The following SEC24B variants were observed in gnomAD, a reference collection of about 807,000 sequenced individuals.
The protein encoded by SEC24B is SEC24 homolog B, COPII component, also known as protein transport protein Sec24B.
SEC24B carries 45 observed loss-of-function variants against 142.8 expected under a neutral mutation model. That is an observed-to-expected ratio of 0.32 (90% CI 0.25 to 0.40). The LOEUF (loss-of-function observed/expected upper bound fraction) is 0.40. Among genes scored for constraint, SEC24B ranks in the 10% least tolerant of loss-of-function variants. SEC24B has a pLI of 1.00. For missense variants in SEC24B, 1,409 were observed against 1,526.8 expected, an observed-to-expected ratio of 0.92 and a Z score of 1.29; for synonymous variants, 574 against 568.2, an observed-to-expected ratio of 1.01 and a Z score of -0.15.
intron 23 of SEC24B, 35 bp from the exon 24 acceptor site, chr4:109,539,526 A>G (rs761046151): frequency 7.6e-7 from 1 of 1,318,632 alleles, no homozygotes; most frequent in Non-Finnish European, 1.1e-6. Flanking sequence ...GGGCTTTTAA[A>G]TACGTTTAGA....
chr4:109,502,573 CAAGAGT>C (rs1171683743), intron 6 of SEC24B, among the ~76,000 whole-genome samples: 1 of 152,070 alleles, frequency 6.6e-6, no homozygotes, highest in Non-Finnish European at 1.5e-5. Flanking sequence ...AGGAAGGTGT[CAAGAGT>C]AACTCCTAGG....
At chr4:109,476,398 T>C (rs546236853) in intron 3 of SEC24B, among the ~76,000 whole-genome samples, 1 of 152,336 alleles carries the variant, frequency 6.6e-6, no homozygotes, top group East Asian at 1.9e-4. Context: ...TTCAGTGAAA[T>C]GAATGGGCTG....
rs117680794 is a variant in SEC24B, at chr4:109,469,349, C to A, written c.878-3655C>A. Among the ~76,000 whole-genome samples, 801 of 152,164 alleles carry A rather than the reference C, an allele frequency of 5.3e-3. 34 individuals are homozygous for A. In the South Asian group the frequency reaches 0.078, roughly 15 times the overall value. On this transcript the variant is annotated intron_variant, in intron 2 of 23. Transcript: ENST00000265175. ...CATTCATCCAACAAATACGTGAAAG[C>A]TAACTATGTTCCATGAGTTGTTCTA...
chr4:109,485,960 G>C (rs939273288), intron 4 of SEC24B, among the ~76,000 whole-genome samples: 32 of 152,152 alleles, frequency 2.1e-4, no homozygotes, highest in Non-Finnish European at 1.3e-4. Context: ...TGGGTTAGCA[G>C]TGTTAAGTGT....
At chr4:109,508,777 T>C (rs1736996178) in intron 7 of SEC24B, among the ~76,000 whole-genome samples, 3 of 152,134 alleles carry the variant, frequency 2.0e-5, no homozygotes, top group Admixed American at 6.5e-5. Flanking sequence ...CCTCTCAAAG[T>C]CTCAGTTTTG....
chr4:109,492,541 T>C (rs907601513), intron 5 of SEC24B, among the ~76,000 whole-genome samples: 4 of 152,230 alleles, frequency 2.6e-5, no homozygotes, highest in African/African-American at 9.6e-5. Context: ...CGAATTCTAA[T>C]CTTATAATGA....
rs1304351117 is a variant in SEC24B, at chr4:109,462,904, C to T, written c.137C>T (p.Pro46Leu). 6.9e-7 allele frequency: 1 copy of T among 1,459,016 alleles called. No individual in the cohort carries two copies. The highest frequency in any genetic ancestry group is 1.2e-5 in the South Asian group (1 of 83,540). The allele number at this position is 1,459,016 out of a possible 1,614,324, so 90.4% of individuals were successfully genotyped here. A position where few individuals can be genotyped will look rare whatever the true frequency, so the allele number is the denominator to read the frequency against. The change falls in exon 2 of 24, where the codon CCA (proline) becomes CTA (leucine). Residue 46 changes from proline to leucine, a missense_variant. Around this residue, in one of 2 missense-constraint regions of SEC24B, gnomAD observed 709 missense variants for 673.5 expected, o/e 1.05. Transcript: ENST00000265175. Reference sequence around the variant, plus strand: ...CTGTAAATACTTGCTTTTTCAGGTCCAGCCCAGAATCAAATGCAGGTTCCA... The same window carrying T: ...CTGTAAATACTTGCTTTTTCAGGTCTAGCCCAGAATCAAATGCAGGTTCCA... ...AGPAPHQQNG[P>L]AQNQMQVPSG...
intron 3 of SEC24B, among the ~76,000 whole-genome samples, chr4:109,475,924 T>C (rs1733076299): frequency 6.6e-6 from 1 of 152,128 alleles, no homozygotes; most frequent in African/African-American, 2.4e-5. Context: ...TCTATGACTT[T>C]AAGTCTCTAA....
At chr4:109,533,751 T>A in intron 22 of SEC24B, 66 bp downstream of exon 22, 1 of 952,750 alleles carries the variant, frequency 1.0e-6, no homozygotes, top group Non-Finnish European at 1.7e-6. Flanking sequence ...GTAAAATTCA[T>A]GTAATATTCA....
rs1171917649 is a variant in SEC24B at position 109,510,104 on chromosome 4, A to G, written c.1769A>G (p.Asp590Gly). The stretch of plus-strand genomic sequence containing the variant: ...GGATTGTTGTTACATCCCTTCAGAG[A>G]CCTAACGGTAAAGTAACATTTTATA... ...PLGLLLHPFR[D>G]LTQLPVITSN... Residue 590 changes from aspartate to glycine, a missense_variant, in exon 8 of 24, where the codon GAC (aspartate) becomes GGC (glycine). Physicochemically the swap from Asp to Gly is moderately conservative, Grantham distance 94 (BLOSUM62 -1). Around this residue, in one of 2 missense-constraint regions of SEC24B, gnomAD observed 700 missense variants for 853.3 expected, o/e 0.82. Coordinates refer to ENST00000265175, the MANE Select transcript of SEC24B (RefSeq NM_006323.5). 1.3e-6 allele frequency: 2 copies of G among 1,573,660 alleles called. No individual in the cohort carries two copies. Among genetic ancestry groups the G allele is most frequent in the Non-Finnish European group, 1.7e-6 (2 of 1,150,328 alleles).
rs964758599 is a variant in SEC24B at position 109,538,662 on chromosome 4, TCAAAG to T, written c.3692+71_3692+75del. Reference sequence around the variant, plus strand: ...ATGTAGTCTGTGGAATTGCTTGTCTTCAAAGCAAACTTTAAATAGTAGCAAAATAT... The same window carrying T: ...ATGTAGTCTGTGGAATTGCTTGTCTTCAAACTTTAAATAGTAGCAAAATAT... On this transcript the variant is annotated intron_variant, in intron 23 of 23. Coordinates refer to ENST00000265175, the MANE Select transcript of SEC24B (RefSeq NM_006323.5). The T allele has an allele frequency of 7.2e-6, 7 of 971,524 alleles. No individual in the cohort carries two copies. In the African/African-American group the frequency reaches 9.7e-5, roughly 13 times the overall value. 60.2% of individuals were successfully genotyped at this position (971,524 alleles called of 1,614,324 possible). A position where few individuals can be genotyped will look rare whatever the true frequency, so the allele number is the denominator to read the frequency against.
At chr4:109,482,936 C>CTA (rs775978447) in intron 4 of SEC24B, among the ~76,000 whole-genome samples, 72 of 34,586 alleles carry the variant, frequency 2.1e-3, no homozygotes, top group Non-Finnish European at 3.1e-3. Flanking sequence ...CAGGCTTGTA[C>CTA]TATATATATA....
intron 9 of SEC24B, among the ~76,000 whole-genome samples, chr4:109,512,482 C>A (rs759927920): frequency 2.6e-5 from 4 of 152,128 alleles, no homozygotes; most frequent in Admixed American, 6.5e-5. Context: ...TTATTCATTT[C>A]TTCGGGTTCC....
chr4:109,520,439 G>A lies in SEC24B; in HGVS notation c.2200G>A (p.Glu734Lys). 1 of 1,611,668 alleles carries A rather than the reference G, an allele frequency of 6.2e-7. No homozygotes were observed. Among genetic ancestry groups the A allele is most frequent in the South Asian group, 1.1e-5 (1 of 91,018 alleles). ...DSTIHFYNLQEGLSQPQMLIV... is the reference protein window; with the variant it reads ...DSTIHFYNLQKGLSQPQMLIV... ...CACTATTCATTTCTACAATTTACAA[G>A]AAGGATTATCACAGCCTCAAATGTT... Residue 734 changes from glutamate (E) to lysine (K), a missense_variant, in exon 12 of 24, where the codon GAA becomes AAA. This residue lies in a region of SEC24B where 700 missense variants were observed against 853.3 expected (regional missense o/e 0.82). Transcript: ENST00000265175.
intron 1 of SEC24B, among the ~76,000 whole-genome samples, chr4:109,461,393 A>G (rs1390743185): frequency 6.6e-6 from 1 of 152,232 alleles, no homozygotes; most frequent in Non-Finnish European, 1.5e-5. Context: ...TTATAGCTTC[A>G]TCATAAAAGT....
At chr4:109,449,506 A>G (rs1226124454) in intron 1 of SEC24B, 1 of 455,128 alleles carries the variant, frequency 2.2e-6, no homozygotes, top group Non-Finnish European at 4.4e-6. Flanking sequence ...TGCTGGGAGT[A>G]CAGGTGTGTG....
At chr4:109,479,970 C>A (rs1733563302) in intron 3 of SEC24B, among the ~76,000 whole-genome samples, 1 of 152,132 alleles carries the variant, frequency 6.6e-6, no homozygotes. Context: ...TTGTTTCTTG[C>A]ATTACCTGAA....
At chr4:109,481,114 C>A (rs925791032) in intron 3 of SEC24B, among the ~76,000 whole-genome samples, 3 of 152,088 alleles carry the variant, frequency 2.0e-5, no homozygotes, top group Admixed American at 2.0e-4. Context: ...CCCAGCCCCC[C>A]GTCCCCCACT....
chr4:109,517,247 T>C (rs1378778987), intron 11 of SEC24B, among the ~76,000 whole-genome samples: 4 of 152,188 alleles, frequency 2.6e-5, no homozygotes, highest in Admixed American at 1.3e-4. Context: ...AACAGATGGA[T>C]GGATAAAGAA....
Sources: allele counts gnomAD v4.1 joint callset (sites outside exome capture counted in the v4.1 genomes callset), GRCh38; gene constraint gnomAD v4.1.1; regional missense constraint gnomAD v4.1.1; transcripts MANE v1.5; gene names NCBI Gene and HGNC (gene_info 2026-07-23, HGNC 2026-07-21).